The following DNAJC15 variants were observed in gnomAD, a reference collection of about 807,000 sequenced individuals.
DNAJC15 encodes the protein DnaJ heat shock protein family (Hsp40) member C15.
A neutral mutation model predicts 22.4 loss-of-function variants in DNAJC15; 27 were observed. The observed-to-expected ratio is 1.20, with a 90% CI of 0.89 to 1.66. The LOEUF is 1.66. Ranked by LOEUF, DNAJC15 falls within the 40% of genes most tolerant of loss-of-function variation. DNAJC15 has a pLI of 0.00. For missense variants in DNAJC15, 208 were observed against 187.1 expected (o/e 1.11, Z -0.65); for synonymous variants, 79 against 63.2 (o/e 1.25, Z -1.19).
At chr13:43,041,834 T>C (rs2040455513) in intron 1 of DNAJC15, among the ~76,000 whole-genome samples, 1 of 152,256 alleles carries the variant, frequency 6.6e-6, no homozygotes, top group Non-Finnish European at 1.5e-5. Flanking sequence ...GCCTATGCTA[T>C]ATACCGGGAA....
chr13:43,035,476 A>G (rs2040424901), intron 1 of DNAJC15, among the ~76,000 whole-genome samples: 1 of 152,162 alleles, frequency 6.6e-6, no homozygotes, highest in Admixed American at 6.5e-5. Context: ...ACCACACTGA[A>G]AAAATAGTTT....
At chr13:43,034,144 T>C (rs1176236086) in intron 1 of DNAJC15, among the ~76,000 whole-genome samples, 2 of 152,028 alleles carry the variant, frequency 1.3e-5, no homozygotes, top group East Asian at 3.8e-4. Context: ...GCAGTATTTG[T>C]GAGTTTTCTT....
rs2040504029 is a variant in DNAJC15 at position 43,051,645 on chromosome 13, G to A, written c.109-14041G>A. Among the ~76,000 whole-genome samples, 5 of 127,574 alleles carry A rather than the reference G, an allele frequency of 3.9e-5. No homozygotes were observed. In the South Asian group the frequency reaches 1.8e-3, roughly 45 times the overall value. The allele number at this position is 127,574 out of a possible 152,430, so 83.7% of individuals were successfully genotyped here. Reference sequence around the variant, plus strand: ...GAGTAGTACTTCATGGTGTGTGTGTGTGTGTGTGTGTGTGTGTATATATAT... The same window carrying A: ...GAGTAGTACTTCATGGTGTGTGTGTATGTGTGTGTGTGTGTGTATATATAT... On this transcript the variant is annotated intron_variant, in intron 1 of 5. Coordinates refer to ENST00000379221, the MANE Select transcript of DNAJC15 (RefSeq NM_013238.3).
chr13:43,036,166 CTT>C (rs1181907862), intron 1 of DNAJC15, among the ~76,000 whole-genome samples: 23 of 125,848 alleles, frequency 1.8e-4, no homozygotes, highest in Admixed American at 2.4e-4. Flanking sequence ...CAGTTTCTGT[CTT>C]TTTTTTTTTT....
chr13:43,111,531 A>G lies in DNAJC15; in HGVS notation c.*4283A>G, dbSNP rs972550698. 3.9e-5 allele frequency: 6 copies of G among 152,340 alleles called. No homozygotes were observed. Among genetic ancestry groups the G allele is most frequent in the East Asian group, 1.9e-4 (1 of 5,192 alleles). 9.4% of individuals were successfully genotyped at this position (152,340 alleles called of 1,614,324 possible). A position where few individuals can be genotyped will look rare whatever the true frequency, so the allele number is the denominator to read the frequency against. On this transcript the variant is annotated 3_prime_UTR_variant, in exon 6 of 6. Coordinates refer to ENST00000379221, the MANE Select transcript of DNAJC15 (RefSeq NM_013238.3). ...GATAAGGTAATTGAACACACTTGAC[A>G]ATTAGCTTAATATGGTTTAATACCA...
intron 3 of DNAJC15, among the ~76,000 whole-genome samples, chr13:43,069,360 CAAAG>C (rs779907787): frequency 3.0e-4 from 45 of 152,158 alleles, no homozygotes; most frequent in Non-Finnish European, 5.7e-4. Context: ...AGCTGATGAA[CAAAG>C]AAGACATGGT....
chr13:43,080,276 A>G (rs1400950516), intron 4 of DNAJC15, among the ~76,000 whole-genome samples: 1 of 151,834 alleles, frequency 6.6e-6, no homozygotes, highest in Non-Finnish European at 1.5e-5. Flanking sequence ...CCCTCTTACT[A>G]TTTAGCTCCC....
rs200973593 is a variant in DNAJC15 at position 43,050,582 on chromosome 13, CA to C, written c.109-15100del. Among the ~76,000 whole-genome samples, 1,266 of 151,974 alleles carry C rather than the reference CA, an allele frequency of 8.3e-3. 9 individuals are homozygous for C. The highest frequency in any genetic ancestry group is 0.021 in the Middle Eastern group (6 of 292). On this transcript the variant is annotated intron_variant, in intron 1 of 5. Transcript: ENST00000379221. ...AGACTTTTATTCTTACTTCAGATTA[CA>C]AAATATGATTGTATAGGATACATGA...
chr13:43,051,613 T>C (rs1273514324), intron 1 of DNAJC15, among the ~76,000 whole-genome samples: 1 of 151,802 alleles, frequency 6.6e-6, no homozygotes, highest in Non-Finnish European at 1.5e-5. Flanking sequence ...TGTTCATTTT[T>C]ATGGCTGAGT....
At chr13:43,028,642 ACATCCCCTACATTGCACTGTACCC>A (rs2040391329) in intron 1 of DNAJC15, among the ~76,000 whole-genome samples, 1 of 152,202 alleles carries the variant, frequency 6.6e-6, no homozygotes, top group Non-Finnish European at 1.5e-5. Flanking sequence ...GCCACATTTC[ACATCCCCTACATTGCACTGTACCC>A]TGTACTATAG....
At chr13:43,078,192 G>A (rs1193426388) in intron 3 of DNAJC15, among the ~76,000 whole-genome samples, 1 of 152,124 alleles carries the variant, frequency 6.6e-6, no homozygotes, top group African/African-American at 2.4e-5. Flanking sequence ...CTGCTAGTGT[G>A]ACATACTCCC....
At chr13:43,091,758 C>G (rs2040716323) in intron 5 of DNAJC15, among the ~76,000 whole-genome samples, 1 of 151,652 alleles carries the variant, frequency 6.6e-6, no homozygotes, top group African/African-American at 2.4e-5. Flanking sequence ...GTTCAAAATA[C>G]TGTAATTTTC....
At chr13:43,065,815 C>CGTCTA in intron 2 of DNAJC15, 78 bp downstream of exon 2, 1 of 1,295,028 alleles carries the variant, frequency 7.7e-7, no homozygotes, top group South Asian at 1.3e-5. Flanking sequence ...ATGAGTAGAC[C>CGTCTA]CTTAGTATTC....
chr13:43,085,958 A>T, intron 5 of DNAJC15, 120 bp downstream of exon 5: 1 of 828,920 alleles, frequency 1.2e-6, no homozygotes. Flanking sequence ...ATGTATTGTG[A>T]TTTTTTTCTC....
chr13:43,078,883 C>T (rs1593324459), intron 4 of DNAJC15, 195 bp downstream of exon 4: 3 of 397,172 alleles, frequency 7.6e-6, no homozygotes, highest in Non-Finnish European at 9.1e-6. Flanking sequence ...CAAAACAAAA[C>T]AAAAAAACAG....
intron 1 of DNAJC15, among the ~76,000 whole-genome samples, chr13:43,044,974 G>A (rs1219265120): frequency 6.6e-6 from 1 of 152,030 alleles, no homozygotes; most frequent in Admixed American, 6.5e-5. Flanking sequence ...AATTTTAATT[G>A]AAATAATCTT....
At position 43,096,834 on chromosome 13, in the gene DNAJC15, A is replaced by C. The variant is rs554495684; in HGVS notation, c.383-10344A>C. 9.2e-5 allele frequency among the ~76,000 whole-genome samples: 14 copies of C among 152,346 alleles called. No homozygotes were observed. The South Asian group carries it at 2.9e-3, about 32-fold the overall frequency. ...GAACCTAGGCCTCAAGAAGCATTGC[A>C]GCTTCAGCTCTTACCTTCTTAGATC... On this transcript the variant is annotated intron_variant, in intron 5 of 5. Transcript: ENST00000379221.
chr13:43,077,335 T>C (rs1308045820), intron 3 of DNAJC15, among the ~76,000 whole-genome samples: 1 of 152,198 alleles, frequency 6.6e-6, no homozygotes, highest in Non-Finnish European at 1.5e-5. Context: ...GCTATACTTT[T>C]ATTAAAGAGT....
intron 5 of DNAJC15, among the ~76,000 whole-genome samples, chr13:43,100,238 C>T (rs1405222218): frequency 7.8e-6 from 1 of 128,498 alleles, no homozygotes; most frequent in African/African-American, 2.9e-5. Context: ...AACAGGGTCT[C>T]ACTCTGTCAC....
Sources: allele counts gnomAD v4.1 joint callset (sites outside exome capture counted in the v4.1 genomes callset), GRCh38; gene constraint gnomAD v4.1.1; transcripts MANE v1.5; gene names NCBI Gene and HGNC (gene_info 2026-07-23, HGNC 2026-07-21).